The following HEATR1 variants were observed in gnomAD, a reference collection of about 807,000 sequenced individuals.
HEATR1 encodes HEAT repeat containing 1.
In HEATR1, 77 loss-of-function variants were observed where a neutral mutation model predicts 248.2. The observed-to-expected ratio is 0.31, with a 90% CI of 0.26 to 0.37. The LOEUF is 0.37. Ranked by LOEUF, HEATR1 falls within the 10% of genes least tolerant of loss-of-function variation. HEATR1 has a pLI of 1.00. For synonymous variants in HEATR1, 897 were observed against 923.1 expected (o/e 0.97, Z 0.51); for missense variants, 2,420 against 2,504.9 (o/e 0.97, Z 0.72).
At position 236,595,926 on chromosome 1, in the gene HEATR1, T is replaced by C; in HGVS notation, c.863A>G (p.Lys288Arg). The change falls in exon 7 of 45, where the codon AAA becomes AGA. Residue 288 changes from lysine to arginine, a missense_variant. Coordinates refer to ENST00000366582, the MANE Select transcript of HEATR1 (RefSeq NM_018072.6). ...CAAAGAGGGAATCTTGGTCAATGTT[T>C]TGATGATCTGTGATGCCAATGAATT... Reference protein sequence around the residue: ...FVNSLASQIIKTLTKIPSLIK... With the variant: ...FVNSLASQIIRTLTKIPSLIK... 11 of 1,614,046 alleles carry C rather than the reference T, an allele frequency of 6.8e-6. No homozygotes were observed. The highest frequency in any genetic ancestry group is 9.3e-6 in the Non-Finnish European group (11 of 1,179,890).
intron 9 of HEATR1, among the ~76,000 whole-genome samples, chr1:236,593,797 C>A (rs1204789024): frequency 1.3e-5 from 2 of 152,134 alleles, no homozygotes; most frequent in African/African-American, 4.8e-5. Flanking sequence ...CACTAACTTT[C>A]CATTTTCATC....
chr1:236,580,851 C>T (rs138092935), intron 20 of HEATR1, among the ~76,000 whole-genome samples: 2,705 of 108,534 alleles, frequency 0.025, 32 homozygotes, highest in Non-Finnish European at 0.034. Flanking sequence ...GATGGAGTCT[C>T]GCTGTGTCAC....
rs918089955 is a variant in HEATR1, at chr1:236,566,075, C to G, written c.4309-30G>C. ...GTAGAAAAAGAAAAAGGTAACAAAT[C>G]TGTACTTAGGAATTGTGAAGGCATA... On this transcript the variant is annotated intron_variant, in intron 30 of 44. Transcript: ENST00000366582. 8 of 1,605,040 alleles carry G rather than the reference C, an allele frequency of 5.0e-6. No individual in the cohort carries two copies. In the Middle Eastern group the frequency reaches 9.9e-4, roughly 199 times the overall value.
rs1350738283 is a variant in HEATR1 at position 236,550,491 on chromosome 1, A to G, written c.*411T>C. On this transcript the variant is annotated 3_prime_UTR_variant, in exon 45 of 45. Transcript: ENST00000366582. ...TAACTTCATTTTCTTGAAATAGAGC[A>G]ACTTTGAGTGAAATCTGCAACATGG... 6.3e-6 allele frequency: 1 copy of G among 159,504 alleles called. No individual in the cohort carries two copies. The highest frequency in any genetic ancestry group is 2.4e-5 in the African/African-American group (1 of 41,738). 9.9% of individuals were successfully genotyped at this position (159,504 alleles called of 1,614,324 possible).
chr1:236,581,124 ATTT>A (rs35257076), intron 20 of HEATR1, 95 bp downstream of exon 20: 8 of 959,824 alleles, frequency 8.3e-6, no homozygotes, highest in Non-Finnish European at 1.1e-5. Context: ...GCCCTCTGCT[ATTT>A]TTTTTTAAGT....
At chr1:236,598,013 C>T in intron 4 of HEATR1, 34 bp from the exon 5 acceptor site, 2 of 1,300,368 alleles carry the variant, frequency 1.5e-6, no homozygotes, top group East Asian at 2.3e-5. Flanking sequence ...CTACTAGCAA[C>T]ATTCATCAAC....
In HEATR1 at chr1:236,584,928, C is replaced by T. The variant is rs1003206445; in HGVS notation, c.2241+97G>A. 1.1e-5 allele frequency: 11 copies of T among 1,040,858 alleles called. No homozygotes were observed. The South Asian group carries it at 1.9e-4, about 18-fold the overall frequency. The allele number at this position is 1,040,858 out of a possible 1,614,324, so 64.5% of individuals were successfully genotyped here. ...TTCATCCAGCTACTATCCACAGACTCAACATCTCGCCTCTGATTTTCAGTT... is the reference window on the plus strand; with the variant it reads ...TTCATCCAGCTACTATCCACAGACTTAACATCTCGCCTCTGATTTTCAGTT... On this transcript the variant is annotated intron_variant, in intron 17 of 44. Transcript: ENST00000366582.
In HEATR1 at chr1:236,604,013, G is replaced by C; in HGVS notation, c.83C>G (p.Ser28Cys). The C allele has an allele frequency of 6.3e-7, 1 of 1,598,650 alleles. No individual in the cohort carries two copies. Among genetic ancestry groups the C allele is most frequent in the Non-Finnish European group, 8.5e-7 (1 of 1,174,510 alleles). The change falls in exon 2 of 45, where the codon TCT (serine) becomes TGT (cysteine). Residue 28 changes from serine to cysteine, a missense_variant. Coordinates refer to ENST00000366582, the MANE Select transcript of HEATR1 (RefSeq NM_018072.6). Reference protein sequence around the residue: ...ASLLSRDEVASLLFDPKEAAT... With the variant: ...ASLLSRDEVACLLFDPKEAAT... Reference sequence around the variant, plus strand: ...CGCTTCCTTAGGGTCAAATAACAAAGAAGCAACTTCATCTCTAGATAAGAG... The same window carrying C: ...CGCTTCCTTAGGGTCAAATAACAAACAAGCAACTTCATCTCTAGATAAGAG...
At chr1:236,576,978 A>G in intron 20 of HEATR1, 29 bp from the exon 21 acceptor site, 1 of 1,527,116 alleles carries the variant, frequency 6.5e-7, no homozygotes, top group Non-Finnish European at 8.8e-7. Context: ...AAAATTTAAG[A>G]AACAATTTTA....
intron 43 of HEATR1, chr1:236,553,074 A>T (rs924844553): frequency 2.0e-5 from 3 of 152,252 alleles, no homozygotes; most frequent in African/African-American, 7.2e-5. Context: ...GAAATTCGTA[A>T]CACTTGGGTG....
chr1:236,557,439 T>A (rs1469763911), intron 36 of HEATR1, 94 bp from the exon 37 acceptor site: 2 of 1,313,802 alleles, frequency 1.5e-6, no homozygotes, highest in African/African-American at 2.9e-5. Flanking sequence ...CAGCAAACTG[T>A]GCCTATTACA....
At chr1:236,595,721 A>G (rs1188825482) in intron 7 of HEATR1, 48 bp from the exon 8 acceptor site, 2 of 1,557,450 alleles carry the variant, frequency 1.3e-6, no homozygotes, top group African/African-American at 2.7e-5. Flanking sequence ...CAAGTTAGAC[A>G]ATGAGTAACA....
Position 236,555,788 on chromosome 1 carries a change from A to G in HEATR1, c.5649+17T>C, listed in dbSNP as rs1317223669. ...GGATAACAGCTTTAGGATTTGGAGG[A>G]GTGAACCTGAGCTTACCTCAGAGTG... On this transcript the variant is annotated intron_variant, in intron 39 of 44. Coordinates refer to ENST00000366582, the MANE Select transcript of HEATR1 (RefSeq NM_018072.6). 2 of 1,614,114 alleles carry G rather than the reference A, an allele frequency of 1.2e-6. No individual in the cohort carries two copies. Among genetic ancestry groups the G allele is most frequent in the Non-Finnish European group, 1.7e-6 (2 of 1,179,954 alleles).
At chr1:236,593,356 C>T (rs1465597095) in intron 9 of HEATR1, among the ~76,000 whole-genome samples, 1 of 152,088 alleles carries the variant, frequency 6.6e-6, no homozygotes, top group African/African-American at 2.4e-5. Flanking sequence ...CTCAACATTA[C>T]TACACGTGTA....
At chr1:236,603,683 C>T (rs1300060883) in intron 2 of HEATR1, among the ~76,000 whole-genome samples, 1 of 151,734 alleles carries the variant, frequency 6.6e-6, no homozygotes, top group Non-Finnish European at 1.5e-5. Flanking sequence ...GCCTCCATCC[C>T]CCTTTTAGCT....
chr1:236,602,145 A>G (rs1016077107), intron 3 of HEATR1, among the ~76,000 whole-genome samples: 1 of 152,174 alleles, frequency 6.6e-6, no homozygotes, highest in Non-Finnish European at 1.5e-5. Context: ...TCAAAAAAAA[A>G]AGACATACAT....
chr1:236,558,159 A>C (rs149258667), intron 36 of HEATR1, 78 bp downstream of exon 36: 1 of 1,471,400 alleles, frequency 6.8e-7, no homozygotes, highest in East Asian at 2.3e-5. Flanking sequence ...GAGGAAAAAA[A>C]AAAAAAGTCA....
chr1:236,578,253 T>C (rs756565018), intron 20 of HEATR1, among the ~76,000 whole-genome samples: 1 of 152,234 alleles, frequency 6.6e-6, no homozygotes, highest in African/African-American at 2.4e-5. Context: ...TCCAAATGGA[T>C]AGCCAGATGT....
rs745773701 is a variant in HEATR1, at chr1:236,558,481, G to A, written c.4960C>T (p.Arg1654Cys). The change falls in exon 36 of 45, where the codon CGT becomes TGT. Residue 1654 changes from arginine to cysteine, a missense_variant. By Grantham distance (180) the Arg-to-Cys change is radical (BLOSUM62 -3). Coordinates refer to ENST00000366582, the MANE Select transcript of HEATR1 (RefSeq NM_018072.6). Reference sequence around the variant, plus strand: ...TCTTCTTCCCCTTCCTTTTTCTTACGCTGCACAATGGCCAAAAGGTCTGGA... The same window carrying A: ...TCTTCTTCCCCTTCCTTTTTCTTACACTGCACAATGGCCAAAAGGTCTGGA... Reference protein sequence around the residue: ...LVPDLLAIVQRKKKEGEEEQA... With the variant: ...LVPDLLAIVQCKKKEGEEEQA... 22 of 1,613,922 alleles carry A rather than the reference G, an allele frequency of 1.4e-5. No individual in the cohort carries two copies. The highest frequency in any genetic ancestry group is 4.5e-5 in the East Asian group (2 of 44,888).
Sources: allele counts gnomAD v4.1 joint callset (sites outside exome capture counted in the v4.1 genomes callset), GRCh38; gene constraint gnomAD v4.1.1; transcripts MANE v1.5; gene names NCBI Gene and HGNC (gene_info 2026-07-23, HGNC 2026-07-21).